STK4: variants seen among roughly 807,000 people sequenced by gnomAD.
STK4 encodes serine/threonine-protein kinase 4.
In STK4, 30 loss-of-function variants were observed where a neutral mutation model predicts 64.9. The ratio of observed to expected loss-of-function variants is 0.46; its 90% confidence interval spans 0.35 to 0.63. The LOEUF is 0.63. Among genes scored for constraint, STK4 ranks in the 20% least tolerant of loss-of-function variants. The probability of loss-of-function intolerance (pLI) is 0.01; values close to 1 mark genes in which losing one functional copy is unlikely to be tolerated. For missense variants in STK4, 466 were observed against 598.5 expected (o/e 0.78, Z 2.31); for synonymous variants, 177 against 199.0 (o/e 0.89, Z 0.93).
intron 7 of STK4, among the ~76,000 whole-genome samples, chr20:44,999,127 A>G (rs1213270914): frequency 6.6e-6 from 1 of 152,160 alleles, no homozygotes; most frequent in East Asian, 1.9e-4. Context: ...TAAGAAATAC[A>G]GTAAAAAGAA....
intron 9 of STK4, among the ~76,000 whole-genome samples, chr20:45,024,534 C>A (rs1001122008): frequency 6.6e-6 from 1 of 152,080 alleles, no homozygotes; most frequent in African/African-American, 2.4e-5. Flanking sequence ...AAGAAAGTCA[C>A]CCTACTGTAT....
intron 9 of STK4, among the ~76,000 whole-genome samples, chr20:45,011,730 T>TATATATATATATATATATA (rs1555813605): frequency 0.016 from 1,299 of 82,770 alleles, 2 homozygotes; most frequent in Non-Finnish European, 0.021. Flanking sequence ...TATATATATA[T>TATATATATATATATATATA]TTTTTTTTTT....
intron 5 of STK4, 91 bp from the exon 6 acceptor site, chr20:44,994,999 T>G: frequency 8.7e-7 from 1 of 1,145,040 alleles, no homozygotes; most frequent in Non-Finnish European, 1.2e-6. Context: ...GTAGTTTTTT[T>G]TTTTTTCTTC....
At position 45,073,870 on chromosome 20, in the gene STK4, G is replaced by A. The variant is rs186791209; in HGVS notation, c.1306-1148G>A. On this transcript the variant is annotated intron_variant, in intron 10 of 10. Transcript: ENST00000372806. ...CACAGTGCAGCAGGTACTGTGCTGA[G>A]AACTTTACAGCCGTGATCTTATTTA... Among the ~76,000 whole-genome samples, 642 of 152,288 alleles carry A rather than the reference G, an allele frequency of 4.2e-3. 2 individuals carry two copies. The highest frequency in any genetic ancestry group is 0.015 in the African/African-American group (623 of 41,552).
At chr20:44,984,652 C>A (rs2067501561) in intron 4 of STK4, among the ~76,000 whole-genome samples, 2 of 151,866 alleles carry the variant, frequency 1.3e-5, no homozygotes, top group Non-Finnish European at 2.9e-5. Context: ...AAATTATACA[C>A]CAGAGTTTGA....
chr20:44,993,492 A>C (rs961689177), intron 5 of STK4, among the ~76,000 whole-genome samples: 4 of 152,220 alleles, frequency 2.6e-5, no homozygotes, highest in Admixed American at 1.3e-4. Context: ...TGCAAATTTG[A>C]AGTTTCAGAG....
At chr20:44,970,841 AT>A (rs2067231146) in intron 1 of STK4, among the ~76,000 whole-genome samples, 1 of 149,848 alleles carries the variant, frequency 6.7e-6, no homozygotes, top group African/African-American at 2.5e-5. Context: ...GGTTTGTTTT[AT>A]TTTTTGTCTT....
In STK4 at chr20:44,982,025, CCTA is replaced by C. The variant is rs2067450093; in HGVS notation, c.360+86_360+88del. 5.7e-6 allele frequency: 5 copies of C among 879,842 alleles called. 1 individual carries two copies. Among genetic ancestry groups the C allele is most frequent in the East Asian group, 5.1e-5 (2 of 39,290 alleles). The allele number at this position is 879,842 out of a possible 1,614,324, so 54.5% of individuals were successfully genotyped here. A position where few individuals can be genotyped will look rare whatever the true frequency, so the allele number is the denominator to read the frequency against. On this transcript the variant is annotated intron_variant, in intron 4 of 10. Coordinates refer to ENST00000372806, the MANE Select transcript of STK4 (RefSeq NM_006282.5). ...CTCTGCCTCTTTTTCAGGGCATTCT[CCTA>C]CTAGAGAGACGACTGTCAGATTTCC...
At position 45,020,692 on chromosome 20, in the gene STK4, A is replaced by G. The variant is rs148778839; in HGVS notation, c.1148-4281A>G. Among the ~76,000 whole-genome samples the G allele has an allele frequency of 2.0e-5, 3 of 152,272 alleles. No individual in the cohort carries two copies. The East Asian group carries it at 5.8e-4, about 29-fold the overall frequency. ...GCTCTGCTCTGTGGTCAGCTGGTGC[A>G]ATAACAGCTGGGGATGGCTGATTTA... On this transcript the variant is annotated intron_variant, in intron 9 of 10. Coordinates refer to ENST00000372806, the MANE Select transcript of STK4 (RefSeq NM_006282.5).
chr20:45,013,556 A>T (rs544371474), intron 9 of STK4, among the ~76,000 whole-genome samples: 2 of 152,288 alleles, frequency 1.3e-5, no homozygotes, highest in South Asian at 4.1e-4. Context: ...TATGATTTTT[A>T]AAAACTGCTT....
chr20:45,075,710 G>A lies in STK4; in HGVS notation c.*534G>A, dbSNP rs1912544938. 6.5e-6 allele frequency: 1 copy of A among 152,836 alleles called. No individual in the cohort carries two copies. Among genetic ancestry groups the A allele is most frequent in the East Asian group, 1.9e-4 (1 of 5,202 alleles). 9.5% of individuals were successfully genotyped at this position (152,836 alleles called of 1,614,324 possible). A position where few individuals can be genotyped will look rare whatever the true frequency, so the allele number is the denominator to read the frequency against. The stretch of plus-strand genomic sequence containing the variant: ...GTTAGGGGGTCACTGAATCCCAGGA[G>A]CCAACCTCCCCCTTTGCAGGGCTGC... On this transcript the variant is annotated 3_prime_UTR_variant, in exon 11 of 11. Coordinates refer to ENST00000372806, the MANE Select transcript of STK4 (RefSeq NM_006282.5).
chr20:45,035,346 A>G (rs545740617), intron 10 of STK4, among the ~76,000 whole-genome samples: 1 of 152,292 alleles, frequency 6.6e-6, no homozygotes, highest in African/African-American at 2.4e-5. Context: ...TAAACTTTCA[A>G]TTGAGATTTT....
chr20:45,019,708 T>C (rs2068209009), intron 9 of STK4, among the ~76,000 whole-genome samples: 2 of 152,262 alleles, frequency 1.3e-5, no homozygotes, highest in Admixed American at 1.3e-4. Flanking sequence ...CCATTCTTTC[T>C]ACGGCTTTAG....
intron 5 of STK4, among the ~76,000 whole-genome samples, chr20:44,987,981 A>AT (rs1012519011): frequency 4.6e-4 from 68 of 147,142 alleles, no homozygotes; most frequent in East Asian, 3.6e-3. Flanking sequence ...TTTTTTTATT[A>AT]TTTTTTTTTT....
chr20:45,024,108 G>A (rs1343360146), intron 9 of STK4, among the ~76,000 whole-genome samples: 1 of 151,668 alleles, frequency 6.6e-6, no homozygotes, highest in African/African-American at 2.4e-5. Flanking sequence ...CATCGTATTA[G>A]CCAGGATGGT....
At chr20:45,011,729 A>ATATATATATATATATATATATATTT (rs60170856) in intron 9 of STK4, among the ~76,000 whole-genome samples, 1 of 115,388 alleles carries the variant, frequency 8.7e-6, no homozygotes, top group African/African-American at 3.6e-5. Context: ...ATATATATAT[A>ATATATATATATATATATATATATTT]TTTTTTTTTT....
At chr20:44,967,136 A>T in intron 1 of STK4, 1 of 985,008 alleles carries the variant, frequency 1.0e-6, no homozygotes, top group African/African-American at 1.7e-5. Context: ...AAGGGAGGGG[A>T]TGGTGGAGGG....
intron 10 of STK4, among the ~76,000 whole-genome samples, chr20:45,067,942 G>A (rs6017481): frequency 0.023 from 3,563 of 152,210 alleles, 147 homozygotes; most frequent in African/African-American, 0.08. Flanking sequence ...GTCCTGTACC[G>A]TGTTGTGAGC....
chr20:44,981,819 C>T lies in STK4; in HGVS notation c.246-10C>T, dbSNP rs755737288. ...CATTTTATTAATTTGTATTGTCTCT[C>T]TCTCTCTAGCCCTCATGTAGTCAAA... On this transcript the variant is annotated splice_polypyrimidine_tract_variant and intron_variant, in intron 3 of 10. Coordinates refer to ENST00000372806, the MANE Select transcript of STK4 (RefSeq NM_006282.5). 2 of 1,533,808 alleles carry T rather than the reference C, an allele frequency of 1.3e-6. No homozygotes were observed. The highest frequency in any genetic ancestry group is 1.4e-5 in the African/African-American group (1 of 73,364).
Sources: allele counts gnomAD v4.1 joint callset (sites outside exome capture counted in the v4.1 genomes callset), GRCh38; gene constraint gnomAD v4.1.1; transcripts MANE v1.5; gene names NCBI Gene and HGNC (gene_info 2026-07-23, HGNC 2026-07-21).